The following BMP6 variants were observed in gnomAD, a reference collection of about 807,000 sequenced individuals.
BMP6 encodes the protein bone morphogenetic protein 6.
BMP6 carries 17 observed loss-of-function variants against 54.1 expected under a neutral mutation model. The observed-to-expected ratio is 0.31, with a 90% CI of 0.22 to 0.47. BMP6 has a LOEUF of 0.47. BMP6 is among the 20% of genes least tolerant of loss of function. The probability of loss-of-function intolerance (pLI) is 1.00; values close to 1 mark genes in which losing one functional copy is unlikely to be tolerated. For synonymous variants in BMP6, 328 were observed against 291.2 expected (o/e 1.13, Z -1.28); for missense variants, 720 against 690.4 (o/e 1.04, Z -0.48).
intron 1 of BMP6, among the ~76,000 whole-genome samples, chr6:7,734,926 A>G (rs1045689110): frequency 5.3e-5 from 8 of 152,162 alleles, no homozygotes; most frequent in African/African-American, 1.9e-4. Flanking sequence ...TGACTTTCAG[A>G]TTTATAGGCA....
At chr6:7,756,006 T>A (rs547955595) in intron 1 of BMP6, among the ~76,000 whole-genome samples, 1 of 152,208 alleles carries the variant, frequency 6.6e-6, no homozygotes, top group South Asian at 2.1e-4. Flanking sequence ...CTTGGTGTTG[T>A]TTTATTTAGG....
chr6:7,852,536 C>T (rs551648457), intron 2 of BMP6, among the ~76,000 whole-genome samples: 40 of 152,324 alleles, frequency 2.6e-4, no homozygotes, highest in Non-Finnish European at 4.6e-4. Flanking sequence ...ATGATTGCAC[C>T]ACTGCGCTCT....
intron 1 of BMP6, among the ~76,000 whole-genome samples, chr6:7,838,024 G>T (rs1307726666): frequency 1.3e-5 from 2 of 152,100 alleles, no homozygotes; most frequent in Non-Finnish European, 2.9e-5. Flanking sequence ...GAGCTGAAAG[G>T]CTCCCCAGCT....
At chr6:7,832,256 C>T (rs1287224537) in intron 1 of BMP6, among the ~76,000 whole-genome samples, 2 of 152,152 alleles carry the variant, frequency 1.3e-5, no homozygotes, top group Non-Finnish European at 1.5e-5. Context: ...TTTGTTTCCA[C>T]GCCCCTGCAA....
At chr6:7,819,715 G>A (rs1482080284) in intron 1 of BMP6, among the ~76,000 whole-genome samples, 1 of 152,102 alleles carries the variant, frequency 6.6e-6, no homozygotes, top group Non-Finnish European at 1.5e-5. Context: ...TCCAAAACTC[G>A]GCATGTAAGT....
chr6:7,879,754 TAGC>T (rs1675098939), intron 5 of BMP6, among the ~76,000 whole-genome samples: 1 of 152,158 alleles, frequency 6.6e-6, no homozygotes, highest in South Asian at 2.1e-4. Flanking sequence ...TGCTTCCAGG[TAGC>T]AGCTGAGGCC....
intron 1 of BMP6, among the ~76,000 whole-genome samples, chr6:7,776,538 T>G (rs1036227455): frequency 4.6e-5 from 7 of 152,226 alleles, no homozygotes; most frequent in Admixed American, 1.3e-4. Context: ...AACCATCTAG[T>G]CATTAGGGTG....
chr6:7,841,396 G>A (rs1390696404), intron 1 of BMP6, among the ~76,000 whole-genome samples: 2 of 152,184 alleles, frequency 1.3e-5, no homozygotes, highest in Admixed American at 6.5e-5. Flanking sequence ...CATTTGAGGA[G>A]TCTTGACTCA....
intron 1 of BMP6, among the ~76,000 whole-genome samples, chr6:7,815,065 T>C (rs1236198444): frequency 6.6e-6 from 1 of 152,196 alleles, no homozygotes; most frequent in Non-Finnish European, 1.5e-5. Flanking sequence ...TGATGCTAAG[T>C]TCCTAAATCA....
intron 1 of BMP6, among the ~76,000 whole-genome samples, chr6:7,828,820 C>T (rs1397304770): frequency 6.6e-6 from 1 of 152,194 alleles, no homozygotes; most frequent in Non-Finnish European, 1.5e-5. Flanking sequence ...TGAAGAGGGA[C>T]AGCCATGTGC....
chr6:7,727,370 C>G lies in BMP6; in HGVS notation c.415C>G (p.Leu139Val). 6 of 1,608,904 alleles carry G rather than the reference C, an allele frequency of 3.7e-6. No homozygotes were observed. Among genetic ancestry groups the G allele is most frequent in the African/African-American group, 1.3e-5 (1 of 74,710 alleles). Residue 139 changes from leucine (L) to valine (V), a missense_variant, in exon 1 of 7, where the codon CTG becomes GTG. Transcript: ENST00000283147. ...LKSAPLFMLD[L>V]YNALSADNDE... ...GTCCGCGCCCCTCTTCATGCTGGAT[C>G]TGTACAACGCCCTGTCCGCCGACAA...
chr6:7,771,585 C>T (rs1757788067), intron 1 of BMP6, among the ~76,000 whole-genome samples: 1 of 152,138 alleles, frequency 6.6e-6, no homozygotes, highest in Non-Finnish European at 1.5e-5. Context: ...GGACATTAAG[C>T]CCAGGCATAT....
At chr6:7,793,564 CTAATG>C (rs1295975207) in intron 1 of BMP6, among the ~76,000 whole-genome samples, 1 of 151,768 alleles carries the variant, frequency 6.6e-6, no homozygotes, top group East Asian at 1.9e-4. Context: ...CCGATGATAA[CTAATG>C]TACCACTTTG....
intron 1 of BMP6, among the ~76,000 whole-genome samples, chr6:7,832,575 T>C (rs1182168496): frequency 6.6e-6 from 1 of 151,934 alleles, no homozygotes; most frequent in Non-Finnish European, 1.5e-5. Flanking sequence ...CAATTACCCA[T>C]TGCGTATTGC....
chr6:7,808,561 G>A (rs933232089), intron 1 of BMP6, among the ~76,000 whole-genome samples: 4 of 152,096 alleles, frequency 2.6e-5, no homozygotes, highest in East Asian at 1.9e-4. Flanking sequence ...GATGTTCCCC[G>A]AAACGCTTTC....
In BMP6 at chr6:7,786,235, C is replaced by T. The variant is rs893372110; in HGVS notation, c.664+58616C>T. Among the ~76,000 whole-genome samples the T allele has an allele frequency of 3.7e-4, 56 of 152,108 alleles. 1 individual carries two copies. Among genetic ancestry groups the T allele is most frequent in the Non-Finnish European group, 1.3e-4 (9 of 68,028 alleles). ...CTCAGTGGCTTCCAGAAAAGCTGGACGTCCCACCATGATGGCACATCTGGG... is the reference window on the plus strand; with the variant it reads ...CTCAGTGGCTTCCAGAAAAGCTGGATGTCCCACCATGATGGCACATCTGGG... On this transcript the variant is annotated intron_variant, in intron 1 of 6. Transcript: ENST00000283147.
intron 2 of BMP6, among the ~76,000 whole-genome samples, chr6:7,857,931 A>G (rs1399958167): frequency 6.6e-6 from 1 of 152,106 alleles, no homozygotes; most frequent in Non-Finnish European, 1.5e-5. Context: ...TGGGCGCAGC[A>G]TATTCTGCTT....
At chr6:7,845,010 C>T (rs1759038336) in intron 1 of BMP6, 130 bp from the exon 2 acceptor site, 3 of 795,466 alleles carry the variant, frequency 3.8e-6, no homozygotes, top group South Asian at 3.6e-5. Flanking sequence ...TGTTCACTAC[C>T]CGATCCCCGT....
intron 2 of BMP6, among the ~76,000 whole-genome samples, chr6:7,858,265 T>G (rs762081642): frequency 1.3e-5 from 2 of 152,026 alleles, no homozygotes; most frequent in Non-Finnish European, 2.9e-5. Flanking sequence ...TGTATTTTTT[T>G]GTAGAGGTAG....
Sources: gnomAD v4.1 joint callset for allele counts (sites outside exome capture counted in the v4.1 genomes callset) on GRCh38, gnomAD v4.1.1 for gene constraint, MANE v1.5 for transcripts, NCBI Gene and HGNC (gene_info 2026-07-23, HGNC 2026-07-21) for gene names.